Variants in CHD9 observed in about 807,000 individuals in gnomAD.
The protein encoded by CHD9 is ATP-dependent chromatin remodeler CHD9.
In CHD9, 77 loss-of-function variants were observed where a neutral mutation model predicts 316.1. The ratio of observed to expected loss-of-function variants is 0.24; its 90% CI spans 0.20 to 0.29. The LOEUF (loss-of-function observed/expected upper bound fraction) is 0.29, where lower values mean the gene tolerates loss of function less well. Among genes scored for constraint, CHD9 ranks in the 10% least tolerant of loss-of-function variants. The probability of loss-of-function intolerance (pLI) is 1.00; values close to 1 mark genes in which losing one functional copy is unlikely to be tolerated. For missense variants in CHD9, 2,763 were observed against 3,438.1 expected, an observed-to-expected ratio of 0.80 and a Z score of 4.91; for synonymous variants, 1,129 against 1,158.3, an observed-to-expected ratio of 0.97 and a Z score of 0.51.
intron 1 of CHD9, among the ~76,000 whole-genome samples, chr16:53,081,979 G>A (rs936837990): frequency 6.6e-6 from 1 of 152,140 alleles, no homozygotes; most frequent in Admixed American, 6.5e-5. Context: ...CACCAGGTTA[G>A]TGTGTATGTG....
At chr16:53,058,258 C>G (rs1314388707) in intron 1 of CHD9, among the ~76,000 whole-genome samples, 1 of 152,036 alleles carries the variant, frequency 6.6e-6, no homozygotes, top group African/African-American at 2.4e-5. Context: ...GTAGCTGGTA[C>G]TACAGGCACA....
intron 22 of CHD9, among the ~76,000 whole-genome samples, chr16:53,268,878 A>G (rs2051945049): frequency 6.6e-6 from 1 of 152,134 alleles, no homozygotes; most frequent in Non-Finnish European, 1.5e-5. Flanking sequence ...ACATGGCTCA[A>G]TGCAGCCTCA....
chr16:53,197,185 A>T (rs145477330), intron 2 of CHD9, among the ~76,000 whole-genome samples: 1 of 152,322 alleles, frequency 6.6e-6, no homozygotes, highest in East Asian at 1.9e-4. Context: ...CTTCATTTTA[A>T]AATGGGAATA....
At chr16:53,069,874 T>C (rs2033854755) in intron 1 of CHD9, among the ~76,000 whole-genome samples, 1 of 152,148 alleles carries the variant, frequency 6.6e-6, no homozygotes, top group Non-Finnish European at 1.5e-5. Flanking sequence ...AGGTTTCCAT[T>C]TCTCCACATC....
intron 13 of CHD9, 126 bp downstream of exon 13, chr16:53,243,142 G>T: frequency 1.7e-6 from 1 of 594,578 alleles, no homozygotes; most frequent in Non-Finnish European, 2.7e-6. Context: ...TCTTATCTGT[G>T]ATAATTGAGA....
At chr16:53,060,941 T>TTTG (rs1452140392) in intron 1 of CHD9, among the ~76,000 whole-genome samples, 2 of 150,594 alleles carry the variant, frequency 1.3e-5, no homozygotes, top group African/African-American at 4.9e-5. Context: ...TTTTTTTTTT[T>TTTG]TTGAGACGGA....
chr16:53,222,552 G>A, intron 3 of CHD9, 92 bp from the exon 4 acceptor site: 1 of 648,200 alleles, frequency 1.5e-6, no homozygotes, highest in South Asian at 1.9e-5. Flanking sequence ...GTGATATAAA[G>A]TGGAAGAAAG....
At chr16:53,174,929 G>T (rs978185583) in intron 2 of CHD9, among the ~76,000 whole-genome samples, 19 of 152,084 alleles carry the variant, frequency 1.2e-4, no homozygotes, top group African/African-American at 4.6e-4. Flanking sequence ...ATATTCTTAA[G>T]TTTTGTTCTG....
chr16:53,150,019 G>A (rs916858210), intron 1 of CHD9, among the ~76,000 whole-genome samples: 7 of 151,906 alleles, frequency 4.6e-5, no homozygotes, highest in African/African-American at 1.7e-4. Context: ...CAGTATATAA[G>A]ATGGATTATG....
chr16:53,188,267 G>A (rs2152820983), intron 2 of CHD9, among the ~76,000 whole-genome samples: 1 of 152,128 alleles, frequency 6.6e-6, no homozygotes, highest in East Asian at 1.9e-4. Context: ...CCACTTCTTG[G>A]CCATTATGAA....
At chr16:53,163,070 A>C (rs965574206) in intron 2 of CHD9, among the ~76,000 whole-genome samples, 1 of 152,152 alleles carries the variant, frequency 6.6e-6, no homozygotes. Context: ...GTTATAAAAA[A>C]ATGGGTATCA....
At chr16:53,201,303 T>C (rs1316371435) in intron 2 of CHD9, among the ~76,000 whole-genome samples, 1 of 152,332 alleles carries the variant, frequency 6.6e-6, no homozygotes, top group Non-Finnish European at 1.5e-5. Context: ...TAATGTAAAA[T>C]AGATTAAATA....
rs758359869 is a variant in CHD9, at chr16:53,304,606, A to G, written c.6600A>G (p.Glu2200=). 18 of 1,548,618 alleles carry G rather than the reference A, an allele frequency of 1.2e-5. No homozygotes were observed. The highest frequency in any genetic ancestry group is 8.7e-7 in the Non-Finnish European group (1 of 1,145,452). ...CATCAGAAGAAAGTGACAGTGATGA[A>G]GAAGAAGCCCAAAAACGAGGTACTA... ...SSSSEESDSD[E]EEAQKRESTT... is the part of the protein sequence containing the mutation. Residue 2200 remains glutamate (E), a synonymous_variant, in exon 31 of 39, where the codon GAA becomes GAG. Coordinates refer to ENST00000447540, the MANE Select transcript of CHD9 (RefSeq NM_001308319.2).
intron 2 of CHD9, among the ~76,000 whole-genome samples, chr16:53,161,781 C>G (rs746889813): frequency 6.6e-6 from 1 of 152,092 alleles, no homozygotes; most frequent in Non-Finnish European, 1.5e-5. Flanking sequence ...TTGAGATGGT[C>G]TCACTCTGTC....
chr16:53,287,776 C>T (rs2054009830), intron 26 of CHD9, among the ~76,000 whole-genome samples, 181 bp from the exon 27 acceptor site: 1 of 152,158 alleles, frequency 6.6e-6, no homozygotes, highest in Non-Finnish European at 1.5e-5. Context: ...TACATTAGAA[C>T]TAGCTTTCTC....
intron 2 of CHD9, among the ~76,000 whole-genome samples, chr16:53,179,926 G>T (rs1243051307): frequency 1.3e-5 from 2 of 151,196 alleles, no homozygotes; most frequent in African/African-American, 2.4e-5. Flanking sequence ...ATTAAGCATG[G>T]CATACAGATT....
At chr16:53,099,062 CTGAGGGTGGGAGG>C (rs1415334174) in intron 1 of CHD9, 1 of 152,298 alleles carries the variant, frequency 6.6e-6, no homozygotes, top group African/African-American at 2.4e-5. Context: ...TGGTGAGCAG[CTGAGGGTGGGAGG>C]TGAGGGTGGC....
intron 2 of CHD9, among the ~76,000 whole-genome samples, chr16:53,167,585 TAAA>T (rs962547590): frequency 2.6e-5 from 4 of 152,056 alleles, no homozygotes; most frequent in Non-Finnish European, 5.9e-5. Flanking sequence ...TCATTCTACT[TAAA>T]GAAGGTGTTC....
intron 3 of CHD9, among the ~76,000 whole-genome samples, chr16:53,211,061 AAATTT>A (rs1351679276): frequency 6.6e-6 from 1 of 152,114 alleles, no homozygotes; most frequent in Non-Finnish European, 1.5e-5. Context: ...TGCTGAACCA[AAATTT>A]AATATAATTA....
Sources: gnomAD v4.1 joint callset for allele counts (sites outside exome capture counted in the v4.1 genomes callset) on GRCh38, gnomAD v4.1.1 for gene constraint, MANE v1.5 for transcripts, NCBI Gene and HGNC (gene_info 2026-07-23, HGNC 2026-07-21) for gene names.